Variants in GALNT13 observed in about 807,000 individuals in gnomAD.
GALNT13 encodes polypeptide N-acetylgalactosaminyltransferase 13.
In GALNT13, 28 loss-of-function variants were observed where a neutral mutation model predicts 64.2. The ratio of observed to expected loss-of-function variants is 0.44; its 90% CI spans 0.32 to 0.60. GALNT13 has a LOEUF of 0.60. GALNT13 is among the 20% of genes least tolerant of loss of function. The pLI is 0.05. For synonymous variants in GALNT13, 214 were observed against 224.6 expected (o/e 0.95, Z 0.42); for missense variants, 577 against 669.8 (o/e 0.86, Z 1.53).
chr2:153,733,073 AAAG>A, the GALNT13 span, among the ~76,000 whole-genome samples: 1 of 152,150 alleles, frequency 6.6e-6, no homozygotes, highest in Non-Finnish European at 1.5e-5. Context: ...GGAAGAGTAG[AAAG>A]AAGATCTTGA....
At chr2:153,160,495 C>T in the GALNT13 span, among the ~76,000 whole-genome samples, 1 of 152,016 alleles carries the variant, frequency 6.6e-6, no homozygotes, top group African/African-American at 2.4e-5. Flanking sequence ...TATTTGTGAT[C>T]AGTTGCCAAG....
chr2:153,632,628 G>A, the GALNT13 span, among the ~76,000 whole-genome samples: 1 of 151,990 alleles, frequency 6.6e-6, no homozygotes, highest in East Asian at 1.9e-4. Flanking sequence ...AAACATATAG[G>A]ATACAATTTG....
chr2:153,808,920 T>C, the GALNT13 span, among the ~76,000 whole-genome samples: 11,317 of 152,272 alleles, frequency 0.074, 504 homozygotes, highest in African/African-American at 0.11. Flanking sequence ...GCTTATTCTG[T>C]GCATACACCT....
intron 9 of GALNT13, among the ~76,000 whole-genome samples, chr2:154,362,070 G>A (rs1420943879): frequency 6.6e-6 from 1 of 151,648 alleles, no homozygotes; most frequent in Non-Finnish European, 1.5e-5. Flanking sequence ...ACATAGAAGA[G>A]TAAAGAACAA....
At chr2:153,400,557 G>C in the GALNT13 span, among the ~76,000 whole-genome samples, 2 of 152,018 alleles carry the variant, frequency 1.3e-5, no homozygotes, top group Non-Finnish European at 2.9e-5. Flanking sequence ...TCTGGTCCTG[G>C]ACTCTTTTTG....
chr2:154,111,300 CAT>C (rs1293165784), intron 3 of GALNT13, among the ~76,000 whole-genome samples: 13 of 152,266 alleles, frequency 8.5e-5, no homozygotes, highest in African/African-American at 3.1e-4. Flanking sequence ...TGTAGTTTCC[CAT>C]TGACCTTAAT....
At chr2:153,919,421 T>G (rs1383698083) in intron 2 of GALNT13, among the ~76,000 whole-genome samples, 1 of 151,940 alleles carries the variant, frequency 6.6e-6, no homozygotes, top group Non-Finnish European at 1.5e-5. Flanking sequence ...CTGTTATAAA[T>G]AATTAAAATA....
intron 9 of GALNT13, among the ~76,000 whole-genome samples, chr2:154,359,072 G>T (rs976145901): frequency 6.6e-6 from 1 of 152,038 alleles, no homozygotes; most frequent in Non-Finnish European, 1.5e-5. Flanking sequence ...AATAAAGTTT[G>T]GTGAATCAGA....
chr2:154,443,874 G>A (rs1701429309), intron 12 of GALNT13, among the ~76,000 whole-genome samples: 1 of 151,956 alleles, frequency 6.6e-6, no homozygotes, highest in Non-Finnish European at 1.5e-5. Flanking sequence ...GCAATACCAA[G>A]GCTTTGCATT....
At chr2:154,308,944 C>T (rs1693887577) in intron 9 of GALNT13, among the ~76,000 whole-genome samples, 1 of 151,906 alleles carries the variant, frequency 6.6e-6, no homozygotes, top group South Asian at 2.1e-4. Context: ...TATTATTGGT[C>T]CTTTTATTGG....
the GALNT13 span, among the ~76,000 whole-genome samples, chr2:153,277,032 T>A: frequency 6.6e-6 from 1 of 152,340 alleles, no homozygotes; most frequent in East Asian, 1.9e-4. Flanking sequence ...TATTATTCAA[T>A]AATAAGATAA....
the GALNT13 span, among the ~76,000 whole-genome samples, chr2:153,089,295 TGG>T: frequency 6.6e-6 from 1 of 152,184 alleles, no homozygotes; most frequent in Non-Finnish European, 1.5e-5. Flanking sequence ...AGGCTAAAGA[TGG>T]GACCCCAGTC....
intron 3 of GALNT13, among the ~76,000 whole-genome samples, chr2:154,019,655 A>ACACAC (rs1558911641): frequency 1.4e-4 from 15 of 108,694 alleles, no homozygotes; most frequent in Admixed American, 5.7e-4. Flanking sequence ...CACACACACA[A>ACACAC]AAGCAAGAAA....
the GALNT13 span, among the ~76,000 whole-genome samples, chr2:153,508,810 T>C: frequency 6.6e-6 from 1 of 152,200 alleles, no homozygotes; most frequent in East Asian, 1.9e-4. Flanking sequence ...CGCAGGCTGC[T>C]CTGTCTCCCA....
At chr2:153,505,599 T>G in the GALNT13 span, among the ~76,000 whole-genome samples, 3 of 152,180 alleles carry the variant, frequency 2.0e-5, no homozygotes, top group Non-Finnish European at 4.4e-5. Context: ...AAAATTCGTT[T>G]CATTGTTGAC....
At chr2:153,474,954 A>G in the GALNT13 span, among the ~76,000 whole-genome samples, 4 of 152,256 alleles carry the variant, frequency 2.6e-5, no homozygotes, top group Non-Finnish European at 5.9e-5. Context: ...AACACAGACA[A>G]TGGCTTTCAA....
chr2:153,849,595 AAT>A, the GALNT13 span, among the ~76,000 whole-genome samples: 1 of 152,170 alleles, frequency 6.6e-6, no homozygotes, highest in Non-Finnish European at 1.5e-5. Flanking sequence ...TGGCCATAAG[AAT>A]ATAGGGAAGG....
intron 3 of GALNT13, among the ~76,000 whole-genome samples, chr2:154,072,954 G>A (rs371617311): frequency 6.6e-6 from 1 of 151,940 alleles, no homozygotes; most frequent in African/African-American, 2.4e-5. Flanking sequence ...CTATGTCAGC[G>A]ATTCTCAAAT....
intron 4 of GALNT13, among the ~76,000 whole-genome samples, chr2:154,147,381 T>TTA (rs34053196): frequency 0.29 from 42,162 of 143,984 alleles, 6,272 homozygotes; most frequent in Non-Finnish European, 0.34. Context: ...GAATGGAATT[T>TTA]TATATATATA....
Sources: allele counts gnomAD v4.1 joint callset (sites outside exome capture counted in the v4.1 genomes callset), GRCh38; gene constraint gnomAD v4.1.1; transcripts MANE v1.5; gene names NCBI Gene and HGNC (gene_info 2026-07-23, HGNC 2026-07-21).